SPAG16: variants seen among roughly 807,000 people sequenced by gnomAD.
SPAG16 encodes sperm-associated antigen 16 protein.
SPAG16 carries 86 observed loss-of-function variants against 80.4 expected under a neutral mutation model. The observed-to-expected ratio is 1.07, with a 90% CI of 0.90 to 1.28. The LOEUF is 1.28. Among genes scored for constraint, SPAG16 ranks in the 50% most tolerant of loss-of-function variants. The pLI is 0.00. For synonymous variants in SPAG16, 294 were observed against 265.9 expected (o/e 1.11, Z -1.03); for missense variants, 870 against 765.3 (o/e 1.14, Z -1.61).
chr2:213,295,868 T>G (rs2062475206), intron 1 of SPAG16, among the ~76,000 whole-genome samples, 196 bp from the exon 2 acceptor site: 1 of 152,126 alleles, frequency 6.6e-6, no homozygotes, highest in Non-Finnish European at 1.5e-5. Context: ...TGAAAAATAA[T>G]GAAGTATTTT....
intron 15 of SPAG16, among the ~76,000 whole-genome samples, chr2:214,347,835 A>C (rs1389319947): frequency 6.6e-6 from 1 of 152,190 alleles, no homozygotes; most frequent in Non-Finnish European, 1.5e-5. Context: ...TTTTATGTAC[A>C]GGGAGTAAGC....
intron 9 of SPAG16, among the ~76,000 whole-genome samples, chr2:213,409,190 T>C (rs2068826987): frequency 6.6e-6 from 1 of 151,704 alleles, no homozygotes; most frequent in African/African-American, 2.4e-5. Flanking sequence ...CTCTGAAAGT[T>C]GTGGGAAAAA....
intron 13 of SPAG16, among the ~76,000 whole-genome samples, chr2:214,106,572 C>A (rs558152188): frequency 6.6e-6 from 1 of 152,014 alleles, no homozygotes; most frequent in African/African-American, 2.4e-5. Flanking sequence ...ATAATGAGGA[C>A]CAAGTAGAGA....
intron 11 of SPAG16, among the ~76,000 whole-genome samples, chr2:213,873,159 G>A (rs1452862317): frequency 2.1e-5 from 2 of 94,584 alleles, no homozygotes; most frequent in Non-Finnish European, 5.6e-5. Flanking sequence ...AAATATTTGG[G>A]AAAATTCATC....
chr2:214,318,134 G>A (rs1017737429), intron 15 of SPAG16, among the ~76,000 whole-genome samples: 22 of 152,134 alleles, frequency 1.4e-4, no homozygotes, highest in African/African-American at 5.1e-4. Context: ...TACTACTTCT[G>A]GTGGCCAAAT....
intron 15 of SPAG16, among the ~76,000 whole-genome samples, chr2:214,298,099 CATAT>C (rs1364081382): frequency 9.5e-6 from 1 of 105,416 alleles, no homozygotes; most frequent in East Asian, 3.0e-4. Flanking sequence ...TATATGTATG[CATAT>C]ATATATATAT....
At chr2:213,786,093 C>G (rs2070327300) in intron 10 of SPAG16, among the ~76,000 whole-genome samples, 1 of 151,954 alleles carries the variant, frequency 6.6e-6, no homozygotes, top group Admixed American at 6.5e-5. Context: ...ATGTGCTTGA[C>G]TATTGATAGT....
chr2:213,816,483 CTG>C (rs982571221), intron 10 of SPAG16, among the ~76,000 whole-genome samples: 2 of 151,940 alleles, frequency 1.3e-5, no homozygotes, highest in East Asian at 1.9e-4. Flanking sequence ...TAGCTTTACT[CTG>C]TAATTTTTTT....
intron 12 of SPAG16, among the ~76,000 whole-genome samples, chr2:213,935,124 C>T (rs2078933234): frequency 6.7e-6 from 1 of 149,320 alleles, no homozygotes; most frequent in Non-Finnish European, 1.5e-5. Flanking sequence ...ATGGCATGAA[C>T]CCAGTGGGCG....
At chr2:214,043,937 A>G (rs1238168713) in intron 13 of SPAG16, among the ~76,000 whole-genome samples, 1 of 152,120 alleles carries the variant, frequency 6.6e-6, no homozygotes, top group East Asian at 1.9e-4. Context: ...TTATTATTGT[A>G]GTAAATCAAA....
At chr2:213,443,112 T>C (rs1270408200) in intron 9 of SPAG16, among the ~76,000 whole-genome samples, 1 of 152,184 alleles carries the variant, frequency 6.6e-6, no homozygotes, top group Non-Finnish European at 1.5e-5. Context: ...AAATGATTAC[T>C]ACAGTAAAGA....
chr2:214,249,126 G>A (rs781087215), intron 15 of SPAG16, among the ~76,000 whole-genome samples: 2 of 152,166 alleles, frequency 1.3e-5, no homozygotes, highest in African/African-American at 2.4e-5. Flanking sequence ...AACACACTAT[G>A]TGGGACTGAA....
In SPAG16 at chr2:213,985,581, C is replaced by A. The variant is rs549471733; in HGVS notation, c.1401-28370C>A. ...ATCTGATACTTTAAAGCACTTTCTC[C>A]AAATAAAATTCTACATAGATCTTTG... On this transcript the variant is annotated intron_variant, in intron 12 of 15. Coordinates refer to ENST00000331683, the MANE Select transcript of SPAG16 (RefSeq NM_024532.5). Among the ~76,000 whole-genome samples the A allele has an allele frequency of 2.6e-5, 4 of 152,062 alleles. No individual in the cohort carries two copies. In the South Asian group the frequency reaches 8.3e-4, roughly 32 times the overall value.
Position 213,378,115 on chromosome 2 carries a change from G to C in SPAG16, c.942+2996G>C, listed in dbSNP as rs190311688. Among the ~76,000 whole-genome samples the C allele has an allele frequency of 2.7e-3, 406 of 152,162 alleles. 2 individuals are homozygous for C. The highest frequency in any genetic ancestry group is 0.012 in the Admixed American group (187 of 15,286). On this transcript the variant is annotated intron_variant, in intron 9 of 15. Coordinates refer to ENST00000331683, the MANE Select transcript of SPAG16 (RefSeq NM_024532.5). Reference sequence around the variant, plus strand: ...GCATGGAGAAAGATGTAGGCTGGGAGGCTAGGCCAGTCTGGTCTTTTCACA... The same window carrying C: ...GCATGGAGAAAGATGTAGGCTGGGACGCTAGGCCAGTCTGGTCTTTTCACA...
chr2:213,492,010 C>A (rs978869505), intron 10 of SPAG16, among the ~76,000 whole-genome samples: 1 of 152,196 alleles, frequency 6.6e-6, no homozygotes, highest in Non-Finnish European at 1.5e-5. Context: ...AACTTACTTA[C>A]ATGGGACACT....
At chr2:213,623,749 C>G (rs2061864097) in intron 10 of SPAG16, among the ~76,000 whole-genome samples, 1 of 151,934 alleles carries the variant, frequency 6.6e-6, no homozygotes, top group Non-Finnish European at 1.5e-5. Context: ...CAAAAACTGA[C>G]CTCTGAAAAT....
chr2:214,180,697 G>A (rs890566668), intron 15 of SPAG16, among the ~76,000 whole-genome samples: 1 of 151,618 alleles, frequency 6.6e-6, no homozygotes, highest in Non-Finnish European at 1.5e-5. Flanking sequence ...AAGACACCTA[G>A]ACACATATTT....
At chr2:214,096,407 T>C (rs1039963385) in intron 13 of SPAG16, among the ~76,000 whole-genome samples, 1 of 152,050 alleles carries the variant, frequency 6.6e-6, no homozygotes, top group Non-Finnish European at 1.5e-5. Context: ...CAAAGGCTCA[T>C]TTTCATCAAA....
intron 10 of SPAG16, among the ~76,000 whole-genome samples, chr2:213,545,595 T>C (rs905529628): frequency 1.6e-4 from 20 of 123,700 alleles, no homozygotes; most frequent in African/African-American, 6.2e-4. Context: ...ATAGTTTTAC[T>C]TTTACATTGA....
Sources: gnomAD v4.1 joint callset for allele counts (sites outside exome capture counted in the v4.1 genomes callset) on GRCh38, gnomAD v4.1.1 for gene constraint, MANE v1.5 for transcripts, NCBI Gene and HGNC (gene_info 2026-07-23, HGNC 2026-07-21) for gene names.